DLG2: variants seen among roughly 807,000 people sequenced by gnomAD.
The protein encoded by DLG2 is discs large MAGUK scaffold protein 2.
DLG2 carries 45 observed loss-of-function variants against 132.5 expected under a neutral mutation model. That is an observed-to-expected ratio of 0.34 (90% CI 0.27 to 0.44). DLG2 has a LOEUF of 0.44. DLG2 is among the 20% of genes least tolerant of loss of function. DLG2 has a pLI of 1.00. For missense variants in DLG2, 1,045 were observed against 1,196.9 expected, an observed-to-expected ratio of 0.87 and a Z score of 1.87; for synonymous variants, 424 against 419.6, an observed-to-expected ratio of 1.01 and a Z score of -0.13.
At chr11:85,484,961 G>A (rs1333593855) in intron 3 of DLG2, among the ~76,000 whole-genome samples, 6 of 152,118 alleles carry the variant, frequency 3.9e-5, no homozygotes, top group Non-Finnish European at 7.3e-5. Context: ...CCAAATGTCC[G>A]ACAATCATAG....
chr11:84,250,526 G>C (rs2097357936), intron 8 of DLG2, among the ~76,000 whole-genome samples: 1 of 152,118 alleles, frequency 6.6e-6, no homozygotes, highest in Admixed American at 6.6e-5. Context: ...ATCCCATCTT[G>C]TTTGATCACT....
At chr11:84,198,974 A>G (rs2096558590) in intron 8 of DLG2, among the ~76,000 whole-genome samples, 1 of 152,298 alleles carries the variant, frequency 6.6e-6, no homozygotes, top group East Asian at 1.9e-4. Flanking sequence ...AAAATGGTCA[A>G]CAGAGCTATG....
At chr11:85,561,989 C>T (rs952817652) in intron 3 of DLG2, among the ~76,000 whole-genome samples, 1 of 151,820 alleles carries the variant, frequency 6.6e-6, no homozygotes, top group Non-Finnish European at 1.5e-5. Context: ...GGTTACACAG[C>T]CAGTAAATTA....
In DLG2 at chr11:85,252,908, A is replaced by G. The variant is rs183823455; in HGVS notation, c.186+32312T>C. 8.1e-4 allele frequency among the ~76,000 whole-genome samples: 123 copies of G among 152,334 alleles called. 1 individual carries two copies. The highest frequency in any genetic ancestry group is 3.4e-3 in the Middle Eastern group (1 of 294). ...ATCCTTCTAGCAATTAAAACTAATT[A>G]AACCAGTGTTTCTAAAAGTAAGACT... is the stretch of plus-strand genomic sequence containing the variant. On this transcript the variant is annotated intron_variant, in intron 4 of 27. Transcript: ENST00000376104.
intron 6 of DLG2, among the ~76,000 whole-genome samples, chr11:84,835,211 A>G (rs1006511536): frequency 2.0e-5 from 3 of 151,656 alleles, no homozygotes; most frequent in African/African-American, 7.3e-5. Flanking sequence ...GAGGGCAGGG[A>G]TACTTTTGTT....
intron 16 of DLG2, among the ~76,000 whole-genome samples, chr11:83,846,026 A>G (rs764347529): frequency 2.6e-5 from 4 of 152,266 alleles, no homozygotes; most frequent in Non-Finnish European, 5.9e-5. Context: ...ATAAATCAAC[A>G]TTGCAAAGCC....
intron 6 of DLG2, among the ~76,000 whole-genome samples, chr11:84,829,265 C>T (rs984630506): frequency 3.3e-5 from 5 of 151,638 alleles, no homozygotes; most frequent in African/African-American, 1.2e-4. Context: ...GCAGAAGTGA[C>T]ATATGCCACT....
At chr11:83,806,415 G>C (rs746522994) in intron 17 of DLG2, among the ~76,000 whole-genome samples, 1 of 152,062 alleles carries the variant, frequency 6.6e-6, no homozygotes, top group African/African-American at 2.4e-5. Flanking sequence ...CATATCCCCA[G>C]CTACATTCCC....
chr11:84,116,749 A>G (rs781273973), intron 9 of DLG2, among the ~76,000 whole-genome samples: 17 of 152,186 alleles, frequency 1.1e-4, no homozygotes, highest in Non-Finnish European at 2.4e-4. Context: ...AGAATTTACC[A>G]TTTTGTGAAG....
chr11:85,005,271 G>T (rs999076030), intron 6 of DLG2, among the ~76,000 whole-genome samples: 3 of 152,050 alleles, frequency 2.0e-5, no homozygotes, highest in African/African-American at 7.2e-5. Flanking sequence ...AAGAAAGTCG[G>T]TGATAGCTTG....
intron 6 of DLG2, among the ~76,000 whole-genome samples, chr11:84,576,045 C>T (rs2099499117): frequency 6.6e-6 from 1 of 152,138 alleles, no homozygotes; most frequent in South Asian, 2.1e-4. Context: ...ACTCGCCTTT[C>T]TTTAAGTCTT....
chr11:84,181,282 G>T (rs1340881324), intron 8 of DLG2, among the ~76,000 whole-genome samples: 1 of 151,872 alleles, frequency 6.6e-6, no homozygotes, highest in Non-Finnish European at 1.5e-5. Flanking sequence ...ATTTGAAAGT[G>T]AACTTGGATT....
intron 6 of DLG2, among the ~76,000 whole-genome samples, chr11:84,535,922 T>G (rs977930810): frequency 6.6e-6 from 1 of 151,704 alleles, no homozygotes; most frequent in Non-Finnish European, 1.5e-5. Flanking sequence ...TGTCCCATTA[T>G]TGTTATCATC....
Position 83,541,421 on chromosome 11 carries a change from A to C in DLG2, c.2117+261T>G, listed in dbSNP as rs2096064282. Among the ~76,000 whole-genome samples, 6 of 152,196 alleles carry C rather than the reference A, an allele frequency of 3.9e-5. No homozygotes were observed. In the South Asian group the frequency reaches 1.2e-3, roughly 32 times the overall value. On this transcript the variant is annotated intron_variant, in intron 20 of 27. Coordinates refer to ENST00000376104, the MANE Select transcript of DLG2 (RefSeq NM_001142699.3). ...GTTTGCACATGCACACACTGGTAAA[A>C]GTTTTAGGAACACAGTGTAAGCTGA... is the stretch of plus-strand genomic sequence containing the variant.
intron 3 of DLG2, among the ~76,000 whole-genome samples, chr11:85,488,390 A>G (rs949482063): frequency 6.6e-6 from 1 of 151,598 alleles, no homozygotes. Flanking sequence ...CTGCGTCTAA[A>G]AAAAAAAAAA....
chr11:84,700,486 A>G lies in DLG2; in HGVS notation c.358-165755T>C, dbSNP rs151164821. The stretch of plus-strand genomic sequence containing the variant: ...TCTGTGACAAAATAACTGATCAAGT[A>G]TAGCTAACCAAAATATCAAGGAAAT... On this transcript the variant is annotated intron_variant, in intron 6 of 27. Coordinates refer to ENST00000376104, the MANE Select transcript of DLG2 (RefSeq NM_001142699.3). Among the ~76,000 whole-genome samples, 325 of 151,846 alleles carry G rather than the reference A, an allele frequency of 2.1e-3. 1 individual carries two copies. The highest frequency in any genetic ancestry group is 3.3e-3 in the Admixed American group (50 of 15,224).
At chr11:83,613,268 G>C (rs2060363306) in intron 19 of DLG2, among the ~76,000 whole-genome samples, 1 of 152,188 alleles carries the variant, frequency 6.6e-6, no homozygotes, top group African/African-American at 2.4e-5. Context: ...GGTAAACCTA[G>C]TTGTACCTGA....
chr11:84,776,397 T>TC (rs2070502103), intron 6 of DLG2, among the ~76,000 whole-genome samples: 1 of 152,050 alleles, frequency 6.6e-6, no homozygotes, highest in Non-Finnish European at 1.5e-5. Context: ...GCTCTAGCAA[T>TC]CCCCCAGCCT....
At chr11:83,467,416 C>T (rs995938166) in intron 25 of DLG2, among the ~76,000 whole-genome samples, 1 of 152,064 alleles carries the variant, frequency 6.6e-6, no homozygotes, top group African/African-American at 2.4e-5. Context: ...CTGCAAGGTA[C>T]TCAGTCTAGT....
Sources: allele counts gnomAD v4.1 joint callset (sites outside exome capture counted in the v4.1 genomes callset), GRCh38; gene constraint gnomAD v4.1.1; transcripts MANE v1.5; gene names NCBI Gene and HGNC (gene_info 2026-07-23, HGNC 2026-07-21).